GLI3: variants seen among roughly 807,000 people sequenced by gnomAD.
The protein encoded by GLI3 is transcription activator GLI3.
Under a neutral mutation model 100.8 loss-of-function variants are expected in GLI3, and 20 were observed. The observed-to-expected ratio is 0.20, with a 90% CI of 0.14 to 0.29. The LOEUF is 0.29. GLI3 is among the 10% of genes least tolerant of loss of function. The pLI is 1.00. For missense variants in GLI3, 2,040 were observed against 2,128.5 expected (o/e 0.96, Z 0.82); for synonymous variants, 938 against 860.5 (o/e 1.09, Z -1.58).
intron 2 of GLI3, among the ~76,000 whole-genome samples, chr7:42,185,198 T>C (rs1787694837): frequency 6.6e-6 from 1 of 152,156 alleles, no homozygotes; most frequent in African/African-American, 2.4e-5. Context: ...GGGCTCTTAA[T>C]TCACCCTACT....
chr7:42,134,601 A>G (rs1786380854), intron 3 of GLI3, among the ~76,000 whole-genome samples: 1 of 152,150 alleles, frequency 6.6e-6, no homozygotes, highest in South Asian at 2.1e-4. Context: ...CAGGTTTGAT[A>G]AATCAGGTAT....
chr7:41,998,320 A>G (rs1272635718), intron 10 of GLI3, among the ~76,000 whole-genome samples: 1 of 152,240 alleles, frequency 6.6e-6, no homozygotes, highest in African/African-American at 2.4e-5. Flanking sequence ...ACATATTAAA[A>G]AAATAGCTCT....
chr7:42,165,495 C>A (rs1787223801), intron 2 of GLI3, among the ~76,000 whole-genome samples: 1 of 152,294 alleles, frequency 6.6e-6, no homozygotes, highest in South Asian at 2.1e-4. Flanking sequence ...CACATGGACA[C>A]TTAAACATCA....
chr7:42,128,309 T>G (rs1051634948), intron 3 of GLI3, among the ~76,000 whole-genome samples: 2 of 151,448 alleles, frequency 1.3e-5, no homozygotes, highest in Admixed American at 1.3e-4. Flanking sequence ...GTATTTCTAT[T>G]GAATACTACC....
Position 42,023,470 on chromosome 7 carries a change from G to C in GLI3, c.1495C>G (p.His499Asp). The change falls in exon 10 of 15, where the codon CAC (histidine) becomes GAC (aspartate). Residue 499 changes from histidine (H) to aspartate (D), a missense_variant and splice_region_variant. Physicochemically the swap from His to Asp is moderately conservative, Grantham distance 81 (BLOSUM62 -1). Around this residue, in one of 5 missense-constraint regions of GLI3, gnomAD observed 603 missense variants for 690.9 expected, o/e 0.87. Transcript: ENST00000395925. Reference sequence around the variant, plus strand: ...GTTCCTGAATACCATCCACTTACGTGCACAAGCTGCTCTTGGGTGTCGAAC... The same window carrying C: ...GTTCCTGAATACCATCCACTTACGTCCACAAGCTGCTCTTGGGTGTCGAAC... ...REFDTQEQLV[H>D]HINNDHIHGE... 1 of 1,614,134 alleles carries C rather than the reference G, an allele frequency of 6.2e-7. No individual in the cohort carries two copies. The highest frequency in any genetic ancestry group is 8.5e-7 in the Non-Finnish European group (1 of 1,179,976).
intron 1 of GLI3, among the ~76,000 whole-genome samples, chr7:42,252,004 T>A (rs963438847): frequency 6.6e-6 from 1 of 152,170 alleles, no homozygotes; most frequent in African/African-American, 2.4e-5. Context: ...GATTACTGGG[T>A]ATATACCCAA....
At chr7:42,023,376 G>T in intron 10 of GLI3, 92 bp downstream of exon 10, 15 of 1,369,418 alleles carry the variant, frequency 1.1e-5, no homozygotes, top group Non-Finnish European at 1.6e-5. Flanking sequence ...CGGCTCCTAA[G>T]AAACTTGACT....
intron 2 of GLI3, among the ~76,000 whole-genome samples, chr7:42,196,515 A>T (rs2128690738): frequency 6.6e-6 from 1 of 152,362 alleles, no homozygotes; most frequent in African/African-American, 2.4e-5. Context: ...AATATATTAC[A>T]CAAAAGCATC....
intron 2 of GLI3, among the ~76,000 whole-genome samples, chr7:42,187,347 T>C (rs1426454858): frequency 6.6e-6 from 1 of 152,158 alleles, no homozygotes; most frequent in Non-Finnish European, 1.5e-5. Flanking sequence ...TAGGATATTA[T>C]TGTTTAATAT....
At chr7:42,132,396 G>A (rs912991044) in intron 3 of GLI3, among the ~76,000 whole-genome samples, 13 of 152,076 alleles carry the variant, frequency 8.5e-5, no homozygotes, top group Admixed American at 3.3e-4. Context: ...CACCGCGCCC[G>A]GCCGGCTTCA....
chr7:42,023,618 G>A lies in GLI3; in HGVS notation c.1357-10C>T, dbSNP rs562653058. 6.2e-7 allele frequency: 1 copy of A among 1,600,024 alleles called. No homozygotes were observed. Among genetic ancestry groups the A allele is most frequent in the Non-Finnish European group, 8.6e-7 (1 of 1,167,382 alleles). Reference sequence around the variant, plus strand: ...TTCCTTCGGGCTGTTCCTGAAAGAAGAGGGTGGGGGGCAGGGAACAGAGAA... The same window carrying A: ...TTCCTTCGGGCTGTTCCTGAAAGAAAAGGGTGGGGGGCAGGGAACAGAGAA... On this transcript the variant is annotated splice_polypyrimidine_tract_variant and intron_variant, in intron 9 of 14. Transcript: ENST00000395925.
At chr7:42,195,876 GC>G (rs1787918637) in intron 2 of GLI3, among the ~76,000 whole-genome samples, 1 of 152,160 alleles carries the variant, frequency 6.6e-6, no homozygotes, top group East Asian at 1.9e-4. Flanking sequence ...GGATAGAAGG[GC>G]CAAATGAGCA....
intron 2 of GLI3, among the ~76,000 whole-genome samples, chr7:42,210,101 G>C (rs1398366129): frequency 6.6e-6 from 1 of 151,220 alleles, no homozygotes; most frequent in Non-Finnish European, 1.5e-5. Context: ...TCAAGGTCAA[G>C]GGTTTTGGGA....
intron 3 of GLI3, among the ~76,000 whole-genome samples, chr7:42,141,582 G>A (rs1329710685): frequency 6.6e-6 from 1 of 152,168 alleles, no homozygotes; most frequent in Non-Finnish European, 1.5e-5. Context: ...AGAGGCAGGA[G>A]AATGGGTTGA....
At chr7:42,218,615 C>T (rs1221718402) in intron 2 of GLI3, among the ~76,000 whole-genome samples, 2 of 151,756 alleles carry the variant, frequency 1.3e-5, no homozygotes, top group Admixed American at 1.3e-4. Context: ...CCTTACCAAC[C>T]TTGAAGAAAA....
In GLI3 at chr7:42,219,190, G is replaced by A. The variant is rs545820167; in HGVS notation, c.124+3940C>T. 5.9e-5 allele frequency among the ~76,000 whole-genome samples: 9 copies of A among 152,278 alleles called. No individual in the cohort carries two copies. The South Asian group carries it at 1.0e-3, about 18-fold the overall frequency. ...CTGCATGCATACTTTCTATGGGAAA[G>A]CCAATATGTGAAATGCCACAAATGA... On this transcript the variant is annotated intron_variant, in intron 2 of 14. Transcript: ENST00000395925.
At chr7:41,985,687 C>A (rs998393361) in intron 10 of GLI3, among the ~76,000 whole-genome samples, 21 of 152,214 alleles carry the variant, frequency 1.4e-4, no homozygotes, top group African/African-American at 4.8e-4. Flanking sequence ...AGGTCTATAC[C>A]CTCCAGTTTT....
chr7:42,035,529 G>T (rs1186002656), intron 7 of GLI3, among the ~76,000 whole-genome samples: 1 of 152,212 alleles, frequency 6.6e-6, no homozygotes, highest in South Asian at 2.1e-4. Flanking sequence ...TTTTCACTGA[G>T]ATCTCTTTCC....
At chr7:42,190,586 T>C (rs1043934222) in intron 2 of GLI3, among the ~76,000 whole-genome samples, 2 of 152,200 alleles carry the variant, frequency 1.3e-5, no homozygotes, top group Admixed American at 1.3e-4. Flanking sequence ...GGTAGCGTTG[T>C]GTGTGAGTTT....
Sources: allele counts gnomAD v4.1 joint callset (sites outside exome capture counted in the v4.1 genomes callset), GRCh38; gene constraint gnomAD v4.1.1; regional missense constraint gnomAD v4.1.1; transcripts MANE v1.5; gene names NCBI Gene and HGNC (gene_info 2026-07-23, HGNC 2026-07-21).